CWH43: variants seen among roughly 807,000 people sequenced by gnomAD.
CWH43 encodes cell wall biogenesis 43 C-terminal homolog.
A neutral mutation model predicts 85.7 loss-of-function variants in CWH43; 91 were observed. The ratio of observed to expected loss-of-function variants is 1.06; its 90% CI spans 0.90 to 1.26. The LOEUF (loss-of-function observed/expected upper bound fraction) is 1.26. Ranked by LOEUF, CWH43 falls within the 50% of genes most tolerant of loss-of-function variation. CWH43 has a pLI of 0.00. For missense variants in CWH43, 869 were observed against 839.2 expected (o/e 1.04, Z -0.44); for synonymous variants, 323 against 293.6 (o/e 1.10, Z -1.02).
In CWH43 at chr4:49,007,194, A is replaced by G; in HGVS notation, c.1061-7A>G. On this transcript the variant is annotated splice_region_variant and splice_polypyrimidine_tract_variant and intron_variant, in intron 7 of 15. Transcript: ENST00000226432. The stretch of plus-strand genomic sequence containing the variant: ...CTATAACATATTCTTTCTTTCTCTT[A>G]TAACAGGGACAATGATGTTAATTAT... The G allele has an allele frequency of 6.2e-7, 1 of 1,603,436 alleles. No homozygotes were observed. The highest frequency in any genetic ancestry group is 1.1e-5 in the South Asian group (1 of 87,728).
chr4:49,060,275 C>G (rs1785108584), intron 15 of CWH43, among the ~76,000 whole-genome samples: 1 of 151,818 alleles, frequency 6.6e-6, no homozygotes, highest in Non-Finnish European at 1.5e-5. Context: ...AGTCAGGGAC[C>G]ACAGGGCTGG....
Position 49,030,970 on chromosome 4 carries a change from C to T in CWH43, c.1508+10C>T. The T allele has an allele frequency of 6.4e-7, 1 of 1,565,694 alleles. No homozygotes were observed. The highest frequency in any genetic ancestry group is 8.6e-7 in the Non-Finnish European group (1 of 1,163,012). ...GGTATCACACTTGGGGGTGAGTATA[C>T]CTTGGGAGTTAATCCCGAAGATAGT... On this transcript the variant is annotated intron_variant, in intron 11 of 15. Coordinates refer to ENST00000226432, the MANE Select transcript of CWH43 (RefSeq NM_025087.3).
chr4:49,026,633 G>A (rs185181601), intron 9 of CWH43, among the ~76,000 whole-genome samples: 83 of 150,254 alleles, frequency 5.5e-4, no homozygotes, highest in African/African-American at 2.9e-4. Flanking sequence ...AAGAACATAC[G>A]ATATTTGGTT....
intron 9 of CWH43, among the ~76,000 whole-genome samples, chr4:49,018,936 C>A (rs1304325088): frequency 6.6e-6 from 1 of 152,146 alleles, no homozygotes; most frequent in African/African-American, 2.4e-5. Flanking sequence ...CTTTAACTGT[C>A]GGTCATTATT....
chr4:49,013,448 C>T (rs868498467), intron 8 of CWH43, among the ~76,000 whole-genome samples: 2 of 152,234 alleles, frequency 1.3e-5, no homozygotes, highest in South Asian at 2.1e-4. Context: ...TTGCACTTCC[C>T]GGGTGAGGTG....
Position 49,017,266 on chromosome 4 carries a change from G to A in CWH43, c.1204G>A (p.Gly402Ser). The A allele has an allele frequency of 5.0e-6, 8 of 1,611,130 alleles. No individual in the cohort carries two copies. The highest frequency in any genetic ancestry group is 6.8e-6 in the Non-Finnish European group (8 of 1,178,454). Residue 402 changes from glycine to serine, a missense_variant, in exon 9 of 16, where the codon GGT becomes AGT. Gly to Ser is a moderately conservative substitution (Grantham distance 56, BLOSUM62 0). Coordinates refer to ENST00000226432, the MANE Select transcript of CWH43 (RefSeq NM_025087.3). ...CTGTTTAGTTCTGTGGCTGCTTGTT[G>A]GTGTGGGATTGTTGGGATTAGGACT... ...YMKLFLWLLV[G>S]VGLLGLGLRH...
chr4:49,003,553 A>T (rs1323144673), intron 6 of CWH43, 182 bp from the exon 7 acceptor site: 3 of 600,188 alleles, frequency 5.0e-6, no homozygotes, highest in Non-Finnish European at 8.8e-6. Context: ...TCCAGTTGAG[A>T]CAATAACTGG....
chr4:49,012,556 T>C (rs1783398905), intron 8 of CWH43, among the ~76,000 whole-genome samples: 2 of 152,258 alleles, frequency 1.3e-5, no homozygotes, highest in South Asian at 4.1e-4. Context: ...AGAGGCACTC[T>C]GGTTTTTAGA....
chr4:49,012,167 C>A (rs1297231744), intron 8 of CWH43, among the ~76,000 whole-genome samples: 1 of 152,138 alleles, frequency 6.6e-6, no homozygotes, highest in African/African-American at 2.4e-5. Context: ...AGGATTTGTT[C>A]ATTTCTTTTC....
chr4:49,020,416 C>CACACATAT (rs140534523), intron 9 of CWH43, among the ~76,000 whole-genome samples: 59 of 128,378 alleles, frequency 4.6e-4, no homozygotes, highest in African/African-American at 8.0e-4. Context: ...CACACACACA[C>CACACATAT]ATATATATAT....
chr4:48,990,114 G>A (rs1782612293), intron 2 of CWH43, among the ~76,000 whole-genome samples: 1 of 152,126 alleles, frequency 6.6e-6, no homozygotes, highest in African/African-American at 2.4e-5. Context: ...CATTACTTAA[G>A]TCCATTTTTG....
intron 15 of CWH43, among the ~76,000 whole-genome samples, chr4:49,060,619 G>C (rs868227293): frequency 2.0e-5 from 3 of 152,150 alleles, no homozygotes; most frequent in African/African-American, 7.2e-5. Context: ...TAGTCTTGGG[G>C]GAGGAGTGAT....
chr4:48,996,828 C>T (rs1325102640), intron 5 of CWH43, among the ~76,000 whole-genome samples: 1 of 152,208 alleles, frequency 6.6e-6, no homozygotes, highest in Non-Finnish European at 1.5e-5. Context: ...ATTTGCTTTT[C>T]AGACATTTCC....
At chr4:48,991,346 G>T in intron 2 of CWH43, 108 bp from the exon 3 acceptor site, 1 of 1,142,134 alleles carries the variant, frequency 8.8e-7, no homozygotes, top group Non-Finnish European at 1.2e-6. Context: ...CATCAACTCT[G>T]TCTTCCTGAG....
chr4:49,034,341 G>A (rs1215246145), intron 12 of CWH43, among the ~76,000 whole-genome samples: 1 of 152,130 alleles, frequency 6.6e-6, no homozygotes, highest in Non-Finnish European at 1.5e-5. Context: ...CTAAGAAACA[G>A]TTTAACTCCT....
intron 9 of CWH43, among the ~76,000 whole-genome samples, chr4:49,018,370 A>C (rs1157089732): frequency 1.3e-5 from 2 of 152,170 alleles, no homozygotes; most frequent in African/African-American, 4.8e-5. Context: ...ACACAGATTC[A>C]AACCATGTCA....
intron 12 of CWH43, among the ~76,000 whole-genome samples, chr4:49,037,447 GT>G (rs1784293774): frequency 6.6e-6 from 1 of 152,154 alleles, no homozygotes; most frequent in South Asian, 2.1e-4. Context: ...GTGTGCACCT[GT>G]CATGCCAGTT....
At chr4:49,025,806 G>A (rs1048222871) in intron 9 of CWH43, among the ~76,000 whole-genome samples, 17 of 152,186 alleles carry the variant, frequency 1.1e-4, no homozygotes, top group Non-Finnish European at 2.1e-4. Flanking sequence ...TTTTTGTTAA[G>A]TGTGCTGGTT....
At chr4:49,042,287 A>G (rs758807857) in intron 13 of CWH43, among the ~76,000 whole-genome samples, 1 of 152,194 alleles carries the variant, frequency 6.6e-6, no homozygotes, top group African/African-American at 2.4e-5. Context: ...GATTTCCAAT[A>G]GTGAGTATCC....
Sources: allele counts gnomAD v4.1 joint callset (sites outside exome capture counted in the v4.1 genomes callset), GRCh38; gene constraint gnomAD v4.1.1; transcripts MANE v1.5; gene names NCBI Gene and HGNC (gene_info 2026-07-23, HGNC 2026-07-21).